Variants in RIN2 observed in about 807,000 individuals in gnomAD.
The protein encoded by RIN2 is Ras and Rab interactor 2.
Under a neutral mutation model 78.0 loss-of-function variants are expected in RIN2, and 36 were observed. The ratio of observed to expected loss-of-function variants is 0.46; its 90% CI spans 0.35 to 0.61. The LOEUF (loss-of-function observed/expected upper bound fraction) is 0.61. Ranked by LOEUF, RIN2 falls within the 20% of genes least tolerant of loss-of-function variation. The pLI, the probability that RIN2 is intolerant of heterozygous loss-of-function variation, is 0.00. For synonymous variants in RIN2, 466 were observed against 466.8 expected, an observed-to-expected ratio of 1.00 and a Z score of 0.02; for missense variants, 1,087 against 1,159.7, an observed-to-expected ratio of 0.94 and a Z score of 0.91.
chr20:19,911,070 G>T (rs1380733412), intron 3 of RIN2, among the ~76,000 whole-genome samples: 2 of 150,372 alleles, frequency 1.3e-5, no homozygotes, highest in African/African-American at 4.9e-5. Flanking sequence ...TTTTTTTTGA[G>T]ACAAAGTTTC....
At chr20:19,860,179 A>G (rs113418832) in intron 2 of RIN2, among the ~76,000 whole-genome samples, 2,484 of 152,302 alleles carry the variant, frequency 0.016, 34 homozygotes, top group Middle Eastern at 0.082. Flanking sequence ...AGGTCCCACC[A>G]CCAGAGAAAA....
intron 1 of RIN2, among the ~76,000 whole-genome samples, chr20:19,768,793 A>G (rs1600405129): frequency 6.6e-6 from 1 of 152,044 alleles, no homozygotes; most frequent in East Asian, 1.9e-4. Context: ...TCTCTCCTCT[A>G]TGTGCTTATT....
In RIN2 at chr20:19,892,209, C is replaced by A. The variant is rs74173343; in HGVS notation, c.57+2551C>A. Among the ~76,000 whole-genome samples the A allele has an allele frequency of 2.1e-3, 317 of 152,134 alleles. 1 individual carries two copies. The highest frequency in any genetic ancestry group is 2.7e-3 in the African/African-American group (112 of 41,512). ...TTGGCAGAGTTTAAATTGTTTAATT[C>A]ATTAATTAATTAATTAATTTATTTT... On this transcript the variant is annotated intron_variant, in intron 3 of 12. Coordinates refer to ENST00000255006, the MANE Select transcript of RIN2 (RefSeq NM_018993.4).
intron 2 of RIN2, among the ~76,000 whole-genome samples, chr20:19,866,918 C>G (rs996223109): frequency 6.6e-6 from 1 of 152,180 alleles, no homozygotes; most frequent in Admixed American, 6.5e-5. Context: ...AGCCACCATA[C>G]CTGGCCAGAT....
At position 19,787,977 on chromosome 20, in the gene RIN2, C is replaced by T. The variant is rs184609305; in HGVS notation, c.-162-11645C>T. ...ATCAGTAATGTAAAGTACTACACCC[C>T]TCCCTAACTTGTATTTCCAAATAAG... On this transcript the variant is annotated intron_variant, in intron 1 of 12. Coordinates refer to ENST00000255006, the MANE Select transcript of RIN2 (RefSeq NM_018993.4). Among the ~76,000 whole-genome samples the T allele has an allele frequency of 5.6e-3, 850 of 152,284 alleles. 9 individuals are homozygous for T. Among genetic ancestry groups the T allele is most frequent in the African/African-American group, 0.02 (811 of 41,558 alleles).
intron 4 of RIN2, among the ~76,000 whole-genome samples, chr20:19,936,662 A>G (rs1464316023): frequency 6.6e-6 from 1 of 152,200 alleles, no homozygotes; most frequent in Admixed American, 6.5e-5. Flanking sequence ...GGGGCCCTCA[A>G]GATCTTGTTT....
At chr20:19,772,122 C>T (rs766291851) in intron 1 of RIN2, among the ~76,000 whole-genome samples, 13 of 152,226 alleles carry the variant, frequency 8.5e-5, no homozygotes, top group Non-Finnish European at 1.8e-4. Flanking sequence ...TTGTCCCGCT[C>T]TTTGCTGGGT....
At chr20:19,779,737 TGG>T (rs2034434677) in intron 1 of RIN2, among the ~76,000 whole-genome samples, 7 of 152,200 alleles carry the variant, frequency 4.6e-5, no homozygotes, top group African/African-American at 1.7e-4. Context: ...AGACTTTCAG[TGG>T]TTAGACAATC....
intron 2 of RIN2, among the ~76,000 whole-genome samples, chr20:19,831,892 C>T (rs1402607222): frequency 6.6e-6 from 1 of 152,074 alleles, no homozygotes; most frequent in East Asian, 1.9e-4. Context: ...GAGATAGCTA[C>T]AAAGCAAAAC....
intron 9 of RIN2, among the ~76,000 whole-genome samples, chr20:19,982,544 G>A (rs1200043879): frequency 6.6e-6 from 1 of 152,168 alleles, no homozygotes; most frequent in Non-Finnish European, 1.5e-5. Context: ...GTGGCTCAGA[G>A]GAAGGGCTCA....
chr20:19,925,044 C>G (rs562504473), intron 3 of RIN2, among the ~76,000 whole-genome samples: 2 of 151,434 alleles, frequency 1.3e-5, no homozygotes, highest in Non-Finnish European at 2.9e-5. Context: ...CGGCCTCCCC[C>G]ACCTCTTTGT....
chr20:19,978,890 A>G (rs577994307), intron 9 of RIN2, among the ~76,000 whole-genome samples: 4 of 152,314 alleles, frequency 2.6e-5, no homozygotes, highest in Admixed American at 6.5e-5. Context: ...AAGTATTGGG[A>G]TCAACCTCTT....
At chr20:19,981,188 C>T (rs369874295) in intron 9 of RIN2, among the ~76,000 whole-genome samples, 6 of 152,180 alleles carry the variant, frequency 3.9e-5, no homozygotes, top group African/African-American at 1.4e-4. Context: ...GCGACTGACA[C>T]GGTCCCTTGG....
chr20:19,966,283 C>A (rs1377234681), intron 7 of RIN2, among the ~76,000 whole-genome samples: 1 of 150,970 alleles, frequency 6.6e-6, no homozygotes, highest in Non-Finnish European at 1.5e-5. Context: ...AGACTAAATG[C>A]CTGTTGACTA....
chr20:19,940,493 G>C (rs1195269275), intron 4 of RIN2, among the ~76,000 whole-genome samples: 1 of 152,208 alleles, frequency 6.6e-6, no homozygotes. Context: ...GTTCTACCAT[G>C]AGCTATTTTA....
At chr20:19,959,172 A>G (rs2041655459) in intron 5 of RIN2, among the ~76,000 whole-genome samples, 1 of 152,200 alleles carries the variant, frequency 6.6e-6, no homozygotes, top group Non-Finnish European at 1.5e-5. Context: ...GTATTTCACT[A>G]CAACTTTACT....
At chr20:19,990,895 C>A (rs976834638) in intron 10 of RIN2, among the ~76,000 whole-genome samples, 1 of 152,136 alleles carries the variant, frequency 6.6e-6, no homozygotes, top group African/African-American at 2.4e-5. Flanking sequence ...CCCTTCTTTG[C>A]TACAAGCTGA....
chr20:19,971,043 T>A (rs2146301844), intron 8 of RIN2, 114 bp downstream of exon 8: 1 of 773,088 alleles, frequency 1.3e-6, no homozygotes, highest in Non-Finnish European at 2.1e-6. Flanking sequence ...TCTCCATCAG[T>A]GAGTTTGGGC....
chr20:19,848,155 T>C (rs753148272), intron 2 of RIN2, among the ~76,000 whole-genome samples: 2 of 152,188 alleles, frequency 1.3e-5, no homozygotes, highest in African/African-American at 4.8e-5. Context: ...AGTGGTGTAC[T>C]TTTTGAAAAT....
Sources: allele counts gnomAD v4.1 joint callset (sites outside exome capture counted in the v4.1 genomes callset), GRCh38; gene constraint gnomAD v4.1.1; transcripts MANE v1.5; gene names NCBI Gene and HGNC (gene_info 2026-07-23, HGNC 2026-07-21).